The following DOK5 variants were observed in gnomAD, a reference collection of about 807,000 sequenced individuals.
The protein encoded by DOK5 is docking protein 5.
DOK5 carries 27 observed loss-of-function variants against 43.3 expected under a neutral mutation model. The observed-to-expected ratio is 0.62, with a 90% confidence interval of 0.46 to 0.86. DOK5 has a LOEUF of 0.86. Among genes scored for constraint, DOK5 ranks in the 40% least tolerant of loss-of-function variants. The pLI is 0.00. For missense variants in DOK5, 373 were observed against 392.9 expected, an observed-to-expected ratio of 0.95 and a Z score of 0.43; for synonymous variants, 146 against 140.1, an observed-to-expected ratio of 1.04 and a Z score of -0.30.
intron 2 of DOK5, among the ~76,000 whole-genome samples, chr20:54,564,541 C>A (rs1459344468): frequency 6.6e-6 from 1 of 152,108 alleles, no homozygotes. Context: ...TGTAAGAGTA[C>A]CCTAATTGTG....
chr20:54,520,433 G>A (rs1360810577), intron 1 of DOK5, among the ~76,000 whole-genome samples: 1 of 151,864 alleles, frequency 6.6e-6, no homozygotes, highest in African/African-American at 2.4e-5. Flanking sequence ...GCCCATTTTT[G>A]ATTGAGGTGA....
Position 54,639,923 on chromosome 20 carries a change from G to A in DOK5, c.736-3535G>A, listed in dbSNP as rs1223600681. Among the ~76,000 whole-genome samples the A allele has an allele frequency of 3.9e-5, 6 of 152,188 alleles. 1 individual carries two copies. Among genetic ancestry groups the A allele is most frequent in the Non-Finnish European group, 2.9e-5 (2 of 68,044 alleles). On this transcript the variant is annotated intron_variant, in intron 6 of 7. Coordinates refer to ENST00000262593, the MANE Select transcript of DOK5 (RefSeq NM_018431.5). ...TTTGAGAAAAGATTAATCAAAACAA[G>A]ACGATTATTTACCCAGTGGTTCCAG... is the stretch of plus-strand genomic sequence containing the variant.
intron 1 of DOK5, among the ~76,000 whole-genome samples, chr20:54,532,173 G>T (rs1424390990): frequency 6.6e-6 from 1 of 152,128 alleles, no homozygotes; most frequent in Non-Finnish European, 1.5e-5. Flanking sequence ...TGATTTAAAT[G>T]TAGTAACTCA....
intron 1 of DOK5, among the ~76,000 whole-genome samples, chr20:54,548,642 TAACTA>T (rs1468171015): frequency 1.3e-5 from 2 of 152,214 alleles, no homozygotes; most frequent in African/African-American, 4.8e-5. Context: ...AGAAAAATGT[TAACTA>T]AACAATACTA....
At chr20:54,480,640 T>C (rs927059753) in intron 1 of DOK5, among the ~76,000 whole-genome samples, 1 of 152,224 alleles carries the variant, frequency 6.6e-6, no homozygotes, top group African/African-American at 2.4e-5. Flanking sequence ...CCTGAATTCT[T>C]TGCTGTGAGA....
At chr20:54,569,678 C>G (rs887418741) in intron 2 of DOK5, among the ~76,000 whole-genome samples, 14 of 152,172 alleles carry the variant, frequency 9.2e-5, no homozygotes, top group African/African-American at 3.4e-4. Context: ...CCCCTCATGT[C>G]AGATTCCATT....
At chr20:54,512,262 G>T (rs183000676) in intron 1 of DOK5, among the ~76,000 whole-genome samples, 1 of 152,272 alleles carries the variant, frequency 6.6e-6, no homozygotes, top group Admixed American at 6.5e-5. Context: ...AAAAAATAAA[G>T]AATTATCCTT....
rs191444206 is a variant in DOK5, at chr20:54,579,359, T to C, written c.175-9124T>C. On this transcript the variant is annotated intron_variant, in intron 2 of 7. Transcript: ENST00000262593. ...GCTGCCTAAAAGTTGTGTGTGTGCT[T>C]GTGTGTGTGTGTGTGTTGGCAGGGG... 5.4e-4 allele frequency among the ~76,000 whole-genome samples: 49 copies of C among 91,068 alleles called. No individual in the cohort carries two copies. The African/African-American group carries it at 7.4e-3, about 14-fold the overall frequency. The allele number at this position is 91,068 out of a possible 152,430, so 59.7% of individuals were successfully genotyped here.
intron 6 of DOK5, among the ~76,000 whole-genome samples, chr20:54,634,662 C>T (rs934035463): frequency 4.6e-5 from 7 of 151,694 alleles, no homozygotes; most frequent in East Asian, 3.9e-4. Flanking sequence ...AGGATGGTCT[C>T]GATCTCCTGA....
chr20:54,626,032 G>A (rs1987119710), intron 6 of DOK5, among the ~76,000 whole-genome samples: 1 of 152,222 alleles, frequency 6.6e-6, no homozygotes, highest in Non-Finnish European at 1.5e-5. Context: ...CACCGTTGTG[G>A]AGGCAGACAA....
At chr20:54,549,127 C>T (rs1277811226) in intron 1 of DOK5, among the ~76,000 whole-genome samples, 1 of 152,168 alleles carries the variant, frequency 6.6e-6, no homozygotes, top group African/African-American at 2.4e-5. Flanking sequence ...GACACAGCGT[C>T]GTCTGAAAGT....
At chr20:54,542,781 T>C (rs530268691) in intron 1 of DOK5, among the ~76,000 whole-genome samples, 1 of 152,374 alleles carries the variant, frequency 6.6e-6, no homozygotes, top group East Asian at 1.9e-4. Flanking sequence ...TATTAAGACG[T>C]TGATTTTTAT....
chr20:54,521,108 C>G (rs1484582081), intron 1 of DOK5, among the ~76,000 whole-genome samples: 1 of 151,940 alleles, frequency 6.6e-6, no homozygotes, highest in African/African-American at 2.4e-5. Flanking sequence ...GAGCAACCTT[C>G]GAGGCAGCAC....
At chr20:54,644,227 A>C (rs35745308) in intron 7 of DOK5, among the ~76,000 whole-genome samples, 3,258 of 152,326 alleles carry the variant, frequency 0.021, 54 homozygotes, top group Non-Finnish European at 0.033. Flanking sequence ...GTGGTCTCTG[A>C]AGCATGATGC....
chr20:54,510,108 A>T (rs1352532540), intron 1 of DOK5, among the ~76,000 whole-genome samples: 1 of 152,284 alleles, frequency 6.6e-6, no homozygotes, highest in South Asian at 2.1e-4. Context: ...CCGCAGAACT[A>T]AAAATAAGAA....
intron 1 of DOK5, among the ~76,000 whole-genome samples, chr20:54,533,966 A>G (rs1216063610): frequency 6.6e-6 from 1 of 152,198 alleles, no homozygotes; most frequent in African/African-American, 2.4e-5. Context: ...TTTGATAATT[A>G]TCTAATTTTT....
intron 7 of DOK5, among the ~76,000 whole-genome samples, chr20:54,647,100 A>C (rs1444157699): frequency 6.6e-6 from 1 of 152,182 alleles, no homozygotes. Context: ...CACGTGCCAC[A>C]CAAGACATAC....
In DOK5 at chr20:54,645,925, C is replaced by CAAAAAAAAAAAAAAAAAAAAAAAAAA. The variant is rs550943378; in HGVS notation, c.856+2353_856+2378dup. Among the ~76,000 whole-genome samples the CAAAAAAAAAAAAAAAAAAAAAAAAAA allele has an allele frequency of 1.7e-4, 15 of 85,876 alleles. 1 individual carries two copies. Among genetic ancestry groups the CAAAAAAAAAAAAAAAAAAAAAAAAAA allele is most frequent in the African/African-American group, 4.3e-4 (10 of 23,150 alleles). The allele number at this position is 85,876 out of a possible 152,430, so 56.3% of individuals were successfully genotyped here. On this transcript the variant is annotated intron_variant, in intron 7 of 7. Coordinates refer to ENST00000262593, the MANE Select transcript of DOK5 (RefSeq NM_018431.5). ...AGAGCATGGCACATAGCAGATGCTG[C>CAAAAAAAAAAAAAAAAAAAAAAAAAA]AAAAAAAAAAAAAAAAAAAAAAAAA...
In DOK5 at chr20:54,650,683, C is replaced by T. The variant is rs1021886596; in HGVS notation, c.*204C>T. On this transcript the variant is annotated 3_prime_UTR_variant, in exon 8 of 8. Transcript: ENST00000262593. ...TTTTAAATTCTTAGTGTAATTGAAA[C>T]GTGCTCTATAGATATTGACTCTGTG... 20 of 508,602 alleles carry T rather than the reference C, an allele frequency of 3.9e-5. No homozygotes were observed. Among genetic ancestry groups the T allele is most frequent in the Middle Eastern group, 8.6e-4 (2 of 2,330 alleles). The allele number at this position is 508,602 out of a possible 1,614,324, so 31.5% of individuals were successfully genotyped here. A position where few individuals can be genotyped will look rare whatever the true frequency, so the allele number is the denominator to read the frequency against.
Sources: allele counts gnomAD v4.1 joint callset (sites outside exome capture counted in the v4.1 genomes callset), GRCh38; gene constraint gnomAD v4.1.1; transcripts MANE v1.5; gene names NCBI Gene and HGNC (gene_info 2026-07-23, HGNC 2026-07-21).